Variants in LEMD3 observed in about 807,000 individuals in gnomAD.
LEMD3 encodes the protein LEM domain containing 3, also known as inner nuclear membrane protein Man1.
In LEMD3, 33 loss-of-function variants were observed where a neutral mutation model predicts 95.2. The observed-to-expected ratio is 0.35, with a 90% CI of 0.26 to 0.46. The LOEUF is 0.46. LEMD3 is among the 20% of genes least tolerant of loss of function. The probability of loss-of-function intolerance (pLI) is 1.00; values close to 1 mark genes in which losing one functional copy is unlikely to be tolerated. For missense variants in LEMD3, 1,210 were observed against 1,192.8 expected (o/e 1.01, Z -0.21); for synonymous variants, 525 against 474.6 (o/e 1.11, Z -1.38).
At chr12:65,171,240 G>C (rs1469312021) in intron 1 of LEMD3, 122 bp downstream of exon 1, 19 of 1,523,376 alleles carry the variant, frequency 1.2e-5, no homozygotes, top group Non-Finnish European at 1.7e-5. Context: ...CAGCAAAAAC[G>C]CAACAGTGCG....
At position 65,171,072 on chromosome 12, in the gene LEMD3, C is replaced by T; in HGVS notation, c.1476C>T (p.Tyr492=). The change falls in exon 1 of 13, where the codon TAC becomes TAT. Residue 492 remains tyrosine (Y), a synonymous_variant. Coordinates refer to ENST00000308330, the MANE Select transcript of LEMD3 (RefSeq NM_014319.5). The part of the protein sequence containing the change: ...CLFFLILGLT[Y]LGMRGTGVSE... Reference sequence around the variant, plus strand: ...TTTTCCTAATACTGGGACTGACTTACCTAGGAATGAGAGGGACAGGAGTAT... The same window carrying T: ...TTTTCCTAATACTGGGACTGACTTATCTAGGAATGAGAGGGACAGGAGTAT... 1.9e-6 allele frequency: 3 copies of T among 1,613,868 alleles called. No homozygotes were observed. In the African/African-American group the frequency reaches 4.0e-5, roughly 22 times the overall value.
At chr12:65,224,380 T>A (rs1870385649) in intron 4 of LEMD3, among the ~76,000 whole-genome samples, 1 of 152,198 alleles carries the variant, frequency 6.6e-6, no homozygotes, top group Admixed American at 6.5e-5. Context: ...GTCCCCTTTA[T>A]CCATGGTTTT....
Position 65,170,520 on chromosome 12 carries a change from T to G in LEMD3, c.924T>G (p.Thr308=). The change falls in exon 1 of 13, where the codon ACT becomes ACG. Residue 308 remains threonine (T), a synonymous_variant. Coordinates refer to ENST00000308330, the MANE Select transcript of LEMD3 (RefSeq NM_014319.5). ...AATCGGCCGGCGGCAGGCTGGAGACTTCAGTTCAGGGAGGGGGAGGACTCG... is the reference window on the plus strand; with the variant it reads ...AATCGGCCGGCGGCAGGCTGGAGACGTCAGTTCAGGGAGGGGGAGGACTCG... ...TAKSAGGRLE[T]SVQGGGGLAM... is the part of the protein sequence containing the mutation. 1 of 1,614,028 alleles carries G rather than the reference T, an allele frequency of 6.2e-7. No individual in the cohort carries two copies. The highest frequency in any genetic ancestry group is 8.5e-7 in the Non-Finnish European group (1 of 1,180,002).
chr12:65,173,078 A>G (rs1174172855), intron 1 of LEMD3, among the ~76,000 whole-genome samples: 1 of 152,212 alleles, frequency 6.6e-6, no homozygotes, highest in Non-Finnish European at 1.5e-5. Context: ...TGAGTGTTGA[A>G]CAGTTAGTAG....
intron 7 of LEMD3, 43 bp from the exon 8 acceptor site, chr12:65,240,093 A>G: frequency 6.5e-7 from 1 of 1,528,948 alleles, no homozygotes; most frequent in Non-Finnish European, 9.0e-7. Context: ...AAACTACATT[A>G]TGTCAAGTGA....
At chr12:65,227,967 T>G (rs901359243) in intron 4 of LEMD3, among the ~76,000 whole-genome samples, 6 of 152,138 alleles carry the variant, frequency 3.9e-5, no homozygotes, top group Non-Finnish European at 7.4e-5. Flanking sequence ...AGTATTTCAG[T>G]CCATGGAGGT....
chr12:65,222,793 CTT>C lies in LEMD3; in HGVS notation c.1695+4175_1695+4176del, dbSNP rs1437053449. On this transcript the variant is annotated intron_variant, in intron 4 of 12. Transcript: ENST00000308330. ...TAGGCTTACCACTGTAAACCTCTCT[CTT>C]GTATTGCTTTTACTGCTTCTCATAA... 1.9e-4 allele frequency among the ~76,000 whole-genome samples: 29 copies of C among 151,798 alleles called. No individual in the cohort carries two copies. In the East Asian group the frequency reaches 4.1e-3, roughly 21 times the overall value.
At chr12:65,192,799 T>C (rs1869284453) in intron 1 of LEMD3, among the ~76,000 whole-genome samples, 3 of 152,206 alleles carry the variant, frequency 2.0e-5, no homozygotes, top group Non-Finnish European at 4.4e-5. Context: ...GTGGAAATGA[T>C]CTAGATATTC....
At chr12:65,175,810 C>T (rs1024921053) in intron 1 of LEMD3, among the ~76,000 whole-genome samples, 2 of 152,136 alleles carry the variant, frequency 1.3e-5, no homozygotes, top group African/African-American at 4.8e-5. Flanking sequence ...TTTGGGTATA[C>T]TAGAAGTATG....
At chr12:65,232,693 G>T (rs1489822546) in intron 4 of LEMD3, among the ~76,000 whole-genome samples, 2 of 152,050 alleles carry the variant, frequency 1.3e-5, no homozygotes, top group Non-Finnish European at 2.9e-5. Context: ...AAGTTAAGAG[G>T]TCCCTCTGGT....
intron 1 of LEMD3, among the ~76,000 whole-genome samples, chr12:65,199,786 C>T (rs115637244): frequency 0.018 from 2,687 of 151,882 alleles, 77 homozygotes; most frequent in African/African-American, 0.06. Context: ...GAGTAAATAC[C>T]AAAGAGCATG....
chr12:65,174,453 G>A (rs1037543389), intron 1 of LEMD3, among the ~76,000 whole-genome samples: 28 of 152,136 alleles, frequency 1.8e-4, no homozygotes, highest in East Asian at 5.8e-4. Flanking sequence ...TCCTAGGCTC[G>A]TATGATCATT....
intron 6 of LEMD3, among the ~76,000 whole-genome samples, chr12:65,239,107 T>C (rs1870857438): frequency 6.6e-6 from 1 of 152,122 alleles, no homozygotes; most frequent in South Asian, 2.1e-4. Context: ...AATACAAAAA[T>C]TGAGCTTATT....
chr12:65,227,765 G>A (rs1296786785), intron 4 of LEMD3, among the ~76,000 whole-genome samples: 1 of 137,712 alleles, frequency 7.3e-6, no homozygotes, highest in South Asian at 2.2e-4. Context: ...CTCATCAGCT[G>A]TTGTTAATGT....
chr12:65,235,591 T>G (rs959865548), intron 4 of LEMD3, among the ~76,000 whole-genome samples: 1 of 152,136 alleles, frequency 6.6e-6, no homozygotes, highest in Non-Finnish European at 1.5e-5. Flanking sequence ...TCATTTATAT[T>G]AGGTGTTATA....
At chr12:65,205,094 G>A (rs182460107) in intron 1 of LEMD3, among the ~76,000 whole-genome samples, 100 of 152,164 alleles carry the variant, frequency 6.6e-4, no homozygotes, top group African/African-American at 4.6e-4. Context: ...AAGGTGAGGC[G>A]GCCGGAGAGA....
Position 65,225,870 on chromosome 12 carries a change from G to C in LEMD3, c.1695+7251G>C, listed in dbSNP as rs114129253. Among the ~76,000 whole-genome samples the C allele has an allele frequency of 1.5e-3, 235 of 152,318 alleles. 2 individuals are homozygous for C. Among genetic ancestry groups the C allele is most frequent in the African/African-American group, 5.3e-3 (219 of 41,574 alleles). ...GCAGCGATTACAGGCATGAGCCACTGCTCCTGGCCCAGCTCTTTTTTCTTC... is the reference window on the plus strand; with the variant it reads ...GCAGCGATTACAGGCATGAGCCACTCCTCCTGGCCCAGCTCTTTTTTCTTC... On this transcript the variant is annotated intron_variant, in intron 4 of 12. Coordinates refer to ENST00000308330, the MANE Select transcript of LEMD3 (RefSeq NM_014319.5).
chr12:65,207,346 T>C (rs1565788679), intron 1 of LEMD3, among the ~76,000 whole-genome samples: 1 of 152,026 alleles, frequency 6.6e-6, no homozygotes, highest in South Asian at 2.1e-4. Context: ...TGTGGCGATA[T>C]TGCAGTCTTG....
At chr12:65,202,169 C>T (rs1869622630) in intron 1 of LEMD3, among the ~76,000 whole-genome samples, 1 of 151,820 alleles carries the variant, frequency 6.6e-6, no homozygotes, top group Non-Finnish European at 1.5e-5. Flanking sequence ...GCTAATTTTG[C>T]CACCACACCT....
Sources: allele counts gnomAD v4.1 joint callset (sites outside exome capture counted in the v4.1 genomes callset), GRCh38; gene constraint gnomAD v4.1.1; transcripts MANE v1.5; gene names NCBI Gene and HGNC (gene_info 2026-07-23, HGNC 2026-07-21).